The following SEC63 variants were observed in gnomAD, a reference collection of about 807,000 sequenced individuals.
SEC63 encodes translocation protein SEC63 homolog.
Under a neutral mutation model 116.2 loss-of-function variants are expected in SEC63, and 56 were observed. The ratio of observed to expected loss-of-function variants is 0.48; its 90% CI spans 0.39 to 0.60. The LOEUF (loss-of-function observed/expected upper bound fraction) is 0.60, where lower values mean the gene tolerates loss of function less well. Ranked by LOEUF, SEC63 falls within the 20% of genes least tolerant of loss-of-function variation. The pLI is 0.00. For missense variants in SEC63, 668 were observed against 900.0 expected, an observed-to-expected ratio of 0.74 and a Z score of 3.30; for synonymous variants, 273 against 294.6, an observed-to-expected ratio of 0.93 and a Z score of 0.75.
At chr6:107,885,680 T>C (rs1025206456) in intron 16 of SEC63, among the ~76,000 whole-genome samples, 2 of 152,132 alleles carry the variant, frequency 1.3e-5, no homozygotes, top group African/African-American at 4.8e-5. Context: ...TGTAAAGGAA[T>C]TAAAACAGTT....
rs9480811 is a variant in SEC63 at position 107,874,376 on chromosome 6, C to T, written c.2035-1464G>A. Among the ~76,000 whole-genome samples the T allele has an allele frequency of 9.7e-3, 1,473 of 152,226 alleles. 22 individuals carry two copies. Among genetic ancestry groups the T allele is most frequent in the African/African-American group, 0.033 (1,377 of 41,558 alleles). On this transcript the variant is annotated intron_variant, in intron 19 of 20. Coordinates refer to ENST00000369002, the MANE Select transcript of SEC63 (RefSeq NM_007214.5). ...TTGGGAGGCCAAGGCGGGCGGATCA[C>T]AAGGTCAGGAGATTGAGACCATCAT... is the stretch of plus-strand genomic sequence containing the variant.
intron 13 of SEC63, among the ~76,000 whole-genome samples, chr6:107,899,994 A>G (rs936160633): frequency 6.6e-6 from 1 of 152,176 alleles, no homozygotes; most frequent in Non-Finnish European, 1.5e-5. Flanking sequence ...TCCTTTCCCA[A>G]TTAGAATTCC....
intron 1 of SEC63, chr6:107,956,106 G>A (rs142279441): frequency 7.2e-5 from 16 of 222,016 alleles, no homozygotes; most frequent in Non-Finnish European, 1.3e-4. Context: ...GACTCTCCCC[G>A]CTTTAAAAAG....
At chr6:107,883,284 A>C (rs1321632680) in intron 16 of SEC63, 138 bp from the exon 17 acceptor site, 2 of 995,768 alleles carry the variant, frequency 2.0e-6, no homozygotes, top group Non-Finnish European at 2.9e-6. Context: ...AATTTTTTAA[A>C]ATTATAAACA....
At chr6:107,873,027 A>G (rs914706344) in intron 19 of SEC63, 115 bp from the exon 20 acceptor site, 33 of 717,118 alleles carry the variant, frequency 4.6e-5, no homozygotes, top group Non-Finnish European at 7.9e-5. Flanking sequence ...GATGATACAG[A>G]AAGTCCTAAT....
intron 18 of SEC63, among the ~76,000 whole-genome samples, chr6:107,880,142 G>A (rs997910868): frequency 5.9e-5 from 9 of 152,216 alleles, no homozygotes; most frequent in African/African-American, 1.2e-4. Context: ...AGATCAGCAC[G>A]TGCATTAAGA....
intron 7 of SEC63, among the ~76,000 whole-genome samples, chr6:107,910,609 A>C (rs890300293): frequency 1.3e-5 from 2 of 152,164 alleles, no homozygotes; most frequent in African/African-American, 4.8e-5. Flanking sequence ...CACACGTGTC[A>C]TACATATATG....
chr6:107,952,852 G>A (rs748465454), intron 1 of SEC63, among the ~76,000 whole-genome samples: 24 of 152,182 alleles, frequency 1.6e-4, no homozygotes, highest in Non-Finnish European at 3.2e-4. Flanking sequence ...TGCTATCTCT[G>A]AAAATACTGT....
intron 3 of SEC63, among the ~76,000 whole-genome samples, 173 bp from the exon 4 acceptor site, chr6:107,922,082 A>T (rs371066367): frequency 6.6e-6 from 1 of 152,192 alleles, no homozygotes; most frequent in Non-Finnish European, 1.5e-5. Flanking sequence ...CATCCCATAT[A>T]TTAAATAAAA....
intron 14 of SEC63, among the ~76,000 whole-genome samples, chr6:107,895,237 C>G (rs74707806): frequency 6.6e-6 from 1 of 152,158 alleles, no homozygotes; most frequent in Admixed American, 6.5e-5. Flanking sequence ...ATTTTTCAGG[C>G]TGGGAAGTCC....
At chr6:107,945,577 T>A (rs1353518863) in intron 1 of SEC63, among the ~76,000 whole-genome samples, 1 of 152,040 alleles carries the variant, frequency 6.6e-6, no homozygotes, top group Non-Finnish European at 1.5e-5. Flanking sequence ...GTGCTGGGAT[T>A]ACAGGCGTGA....
intron 1 of SEC63, among the ~76,000 whole-genome samples, chr6:107,942,328 C>A (rs577858226): frequency 6.6e-6 from 1 of 152,298 alleles, no homozygotes; most frequent in Admixed American, 6.5e-5. Flanking sequence ...GTATTAAAGC[C>A]GATTTGATTC....
intron 16 of SEC63, among the ~76,000 whole-genome samples, chr6:107,889,876 T>C (rs1028147617): frequency 2.0e-5 from 3 of 152,214 alleles, no homozygotes; most frequent in East Asian, 3.8e-4. Context: ...TCAGTTTCCA[T>C]GTAGTTGTGC....
At chr6:107,890,100 C>T (rs1786644219) in intron 16 of SEC63, among the ~76,000 whole-genome samples, 1 of 152,168 alleles carries the variant, frequency 6.6e-6, no homozygotes. Flanking sequence ...ATTAGGTCCG[C>T]TTGGTCCAGA....
intron 12 of SEC63, among the ~76,000 whole-genome samples, chr6:107,902,509 T>C (rs1037917011): frequency 1.3e-5 from 2 of 152,162 alleles, no homozygotes; most frequent in African/African-American, 4.8e-5. Context: ...GCTTAACCAG[T>C]AAACAATTGC....
chr6:107,879,036 C>T (rs903431349), intron 18 of SEC63, among the ~76,000 whole-genome samples: 3 of 152,056 alleles, frequency 2.0e-5, no homozygotes, highest in African/African-American at 7.2e-5. Flanking sequence ...ATACAATAGA[C>T]GAATTTCACT....
intron 4 of SEC63, among the ~76,000 whole-genome samples, chr6:107,920,195 G>A (rs545043416): frequency 1.1e-4 from 17 of 151,868 alleles, no homozygotes; most frequent in Middle Eastern, 3.4e-3. Flanking sequence ...AGGCCGAGGC[G>A]GGAGGATCAC....
intron 2 of SEC63, among the ~76,000 whole-genome samples, chr6:107,927,563 T>A (rs2114484957): frequency 6.6e-6 from 1 of 152,352 alleles, no homozygotes; most frequent in South Asian, 2.1e-4. Flanking sequence ...ACTCCCTTAA[T>A]CTGTACTTTA....
At chr6:107,957,694 G>C (rs1770738204) in intron 1 of SEC63, 192 bp downstream of exon 1, 1 of 423,640 alleles carries the variant, frequency 2.4e-6, no homozygotes, top group Middle Eastern at 6.5e-4. Flanking sequence ...ACAATGAAGG[G>C]AGGTGGAGAA....
Sources: gnomAD v4.1 joint callset for allele counts (sites outside exome capture counted in the v4.1 genomes callset) on GRCh38, gnomAD v4.1.1 for gene constraint, MANE v1.5 for transcripts, NCBI Gene and HGNC (gene_info 2026-07-23, HGNC 2026-07-21) for gene names.